Variants in NECAB3 observed in about 807,000 individuals in gnomAD.
NECAB3 encodes the protein N-terminal EF-hand calcium-binding protein 3.
A neutral mutation model predicts 57.2 loss-of-function variants in NECAB3; 38 were observed. The observed-to-expected ratio is 0.66, with a 90% CI of 0.51 to 0.87. The LOEUF is 0.87. NECAB3 is among the 40% of genes least tolerant of loss of function. The pLI is 0.00. For missense variants in NECAB3, 474 were observed against 527.5 expected (o/e 0.90, Z 0.99); for synonymous variants, 223 against 222.6 (o/e 1.00, Z -0.02).
chr20:33,671,369 T>G (rs2017824470), intron 2 of NECAB3, among the ~76,000 whole-genome samples: 1 of 152,136 alleles, frequency 6.6e-6, no homozygotes, highest in South Asian at 2.1e-4. Flanking sequence ...CTGAATGATG[T>G]GTGAGGTCTC....
chr20:33,657,878 G>T (rs1601146387), intron 11 of NECAB3, 21 bp from the exon 12 acceptor site: 1 of 1,546,224 alleles, frequency 6.5e-7, no homozygotes, highest in Non-Finnish European at 8.7e-7. Flanking sequence ...GAGGCAGGGG[G>T]TCAGGAGCCC....
intron 5 of NECAB3, chr20:33,669,052 G>C (rs553178689): frequency 7.3e-4 from 230 of 315,576 alleles, no homozygotes; most frequent in African/African-American, 4.7e-3. Context: ...AGCAACTAAA[G>C]CAACAGCAGC....
intron 10 of NECAB3, 40 bp downstream of exon 10, chr20:33,658,437 C>A: frequency 6.3e-7 from 1 of 1,597,180 alleles, no homozygotes. Context: ...CACTCCAGGG[C>A]CACATTCCAT....
chr20:33,661,295 C>CCACA (rs150092075), intron 5 of NECAB3, among the ~76,000 whole-genome samples: 6 of 151,282 alleles, frequency 4.0e-5, no homozygotes, highest in South Asian at 2.1e-4. Flanking sequence ...CTAACCCCTA[C>CCACA]CACACACACA....
intron 5 of NECAB3, 90 bp downstream of exon 5, chr20:33,669,285 A>T (rs2017773382): frequency 1.4e-6 from 2 of 1,384,620 alleles, no homozygotes; most frequent in African/African-American, 2.8e-5. Context: ...CTAGCTCTAT[A>T]ACCCTGAGTC....
rs1240949058 is a variant in NECAB3, at chr20:33,660,371, C to T, written c.412G>A (p.Asp138Asn). 1 of 1,613,594 alleles carries T rather than the reference C, an allele frequency of 6.2e-7. No individual in the cohort carries two copies. Among genetic ancestry groups the T allele is most frequent in the African/African-American group, 1.3e-5 (1 of 74,936 alleles). The part of the protein sequence containing the change: ...KLEYERASKV[D>N]QFVTRFLLRE... ...AGCAGGAAGCGCGTCACAAACTGGT[C>T]CACTTTGGAGGCCCTCTCGTACTCC... The change falls in exon 6 of 12, where the codon GAC becomes AAC. Residue 138 changes from aspartate to asparagine, a missense_variant. By Grantham distance (23) the Asp-to-Asn change is conservative. Transcript: ENST00000246190. The surrounding 1 kb of genome is among the most constrained non-coding windows in gnomAD (Gnocchi z 4.1).
chr20:33,668,197 G>A, intron 5 of NECAB3: 1 of 1,608,168 alleles, frequency 6.2e-7, no homozygotes, highest in Non-Finnish European at 8.5e-7. Context: ...CATGTACCAG[G>A]AGTGTGGCTC....
chr20:33,659,464 CCA>C (rs1465294546), intron 8 of NECAB3, 31 bp downstream of exon 8: 6 of 1,438,120 alleles, frequency 4.2e-6, no homozygotes, highest in Non-Finnish European at 5.5e-6. Flanking sequence ...CCAGACACGG[CCA>C]TCCAGCCGCT....
At position 33,657,972 on chromosome 20, in the gene NECAB3, G is replaced by C. The variant is rs1368463868; in HGVS notation, c.1132C>G (p.Pro378Ala). Reference sequence around the variant, plus strand: ...AAGAACACAGTGGTGAGGGTGTCCGGGGCCCGCAGGTGGTCGATGAGGATG... The same window carrying C: ...AAGAACACAGTGGTGAGGGTGTCCGCGGCCCGCAGGTGGTCGATGAGGATG... ...QRILIDHLRA[P>A]DTLTTVFFPA... Residue 378 changes from proline to alanine, a missense_variant, in exon 11 of 12, where the codon CCG becomes GCG. Physicochemically the swap from Pro to Ala is conservative, Grantham distance 27. Coordinates refer to ENST00000246190, the MANE Select transcript of NECAB3 (RefSeq NM_031232.4). 6.4e-7 allele frequency: 1 copy of C among 1,557,480 alleles called. No homozygotes were observed. Among genetic ancestry groups the C allele is most frequent in the South Asian group, 1.2e-5 (1 of 84,390 alleles).
chr20:33,670,994 C>G (rs546122916), intron 2 of NECAB3, among the ~76,000 whole-genome samples: 13 of 152,226 alleles, frequency 8.5e-5, no homozygotes, highest in Non-Finnish European at 1.8e-4. Flanking sequence ...GTGAAGGCAA[C>G]AGAACCTACT....
At chr20:33,663,849 C>T (rs1354736093) in intron 5 of NECAB3, 6 of 1,404,540 alleles carry the variant, frequency 4.3e-6, no homozygotes, top group Non-Finnish European at 5.5e-6. Flanking sequence ...GGTGCCGCTG[C>T]CCTCGCCCGC....
chr20:33,658,586 C>A, intron 9 of NECAB3, 32 bp from the exon 10 acceptor site: 1 of 1,612,868 alleles, frequency 6.2e-7, no homozygotes. Flanking sequence ...CAGGCCAGGC[C>A]AGGGCTGCCA....
intron 1 of NECAB3, 30 bp from the exon 2 acceptor site, chr20:33,672,452 G>GT: frequency 6.2e-7 from 1 of 1,613,864 alleles, no homozygotes; most frequent in Non-Finnish European, 8.5e-7. Flanking sequence ...AGAGAGAACT[G>GT]TGAGTGCCAC....
intron 5 of NECAB3, chr20:33,664,807 G>A (rs902658149): frequency 2.0e-5 from 3 of 152,258 alleles, no homozygotes; most frequent in African/African-American, 7.2e-5. Flanking sequence ...CCAACCTCAG[G>A]ATGCCCTCTT....
In NECAB3 at chr20:33,661,729, C is replaced by T. The variant is rs571254791; in HGVS notation, c.388-1334G>A. Among the ~76,000 whole-genome samples, 13 of 152,332 alleles carry T rather than the reference C, an allele frequency of 8.5e-5. No homozygotes were observed. In the East Asian group the frequency reaches 2.5e-3, roughly 29 times the overall value. On this transcript the variant is annotated intron_variant, in intron 5 of 11. Transcript: ENST00000246190. ...GAAGCGGCATGATCTTGGCTCACCGCAACCTCTGCCTCCCAGCTTCAAGCA... is the reference window on the plus strand; with the variant it reads ...GAAGCGGCATGATCTTGGCTCACCGTAACCTCTGCCTCCCAGCTTCAAGCA...
At chr20:33,658,986 G>A in intron 8 of NECAB3, 152 bp from the exon 9 acceptor site, 1 of 624,554 alleles carries the variant, frequency 1.6e-6, no homozygotes, top group South Asian at 1.9e-5. Flanking sequence ...AGTGGTGTGT[G>A]GGATCACGGC....
Position 33,657,595 on chromosome 20 carries a change from G to A in NECAB3, c.*234C>T, listed in dbSNP as rs2017325351. 2.1e-6 allele frequency: 1 copy of A among 470,416 alleles called. No homozygotes were observed. The allele number at this position is 470,416 out of a possible 1,614,324, so 29.1% of individuals were successfully genotyped here. ...GAATCCAGGTCTCCTGAGCCAGGCAGAAGCCAAAGTAGCTTGGAGGCTGAA... is the reference window on the plus strand; with the variant it reads ...GAATCCAGGTCTCCTGAGCCAGGCAAAAGCCAAAGTAGCTTGGAGGCTGAA... On this transcript the variant is annotated 3_prime_UTR_variant, in exon 12 of 12. Transcript: ENST00000246190.
intron 5 of NECAB3, chr20:33,662,608 A>C: frequency 9.8e-7 from 1 of 1,017,692 alleles, no homozygotes. Flanking sequence ...GAATTCGAAA[A>C]TCTCTCCCAA....
Position 33,670,790 on chromosome 20 carries a change from C to G in NECAB3, c.157G>C (p.Asp53His), listed in dbSNP as rs2017813481. 8.1e-6 allele frequency: 13 copies of G among 1,612,868 alleles called. No homozygotes were observed. The highest frequency in any genetic ancestry group is 1.3e-5 in the African/African-American group (1 of 74,914). The change falls in exon 3 of 12, where the codon GAT becomes CAT. Residue 53 changes from aspartate to histidine, a missense_variant and splice_region_variant. Asp to His is a moderately conservative substitution (Grantham distance 81). Coordinates refer to ENST00000246190, the MANE Select transcript of NECAB3 (RefSeq NM_031232.4). ...DVFRRADKND[D>H]GKLSFEEFQN... The stretch of plus-strand genomic sequence containing the variant: ...AATTCCTCAAATGAGAGCTTCCCAT[C>G]ATCTGGGGTGGCAGGGGGAGGACAG...
Sources: gnomAD v4.1 joint callset for allele counts (sites outside exome capture counted in the v4.1 genomes callset) on GRCh38, gnomAD v4.1.1 for gene constraint, Gnocchi (gnomAD v3.1) non-coding constraint, MANE v1.5 for transcripts, NCBI Gene and HGNC (gene_info 2026-07-23, HGNC 2026-07-21) for gene names.